MIR2052HG: variants seen among roughly 807,000 people sequenced by gnomAD.
MIR2052HG encodes MIR2052 host gene.
chr8:74,679,425 C>A (rs1220394090), intron 2 of MIR2052HG, among the ~76,000 whole-genome samples: 1 of 151,990 alleles, frequency 6.6e-6, no homozygotes, highest in African/African-American at 2.4e-5. Context: ...GCCATTATTT[C>A]ATTCCTTTTT....
At chr8:74,637,514 A>T (rs1057305661) in intron 2 of MIR2052HG, among the ~76,000 whole-genome samples, 10 of 152,120 alleles carry the variant, frequency 6.6e-5, no homozygotes, top group Non-Finnish European at 1.2e-4. Flanking sequence ...AAACACAGCC[A>T]ATTTTAACAG....
intron 4 of MIR2052HG, among the ~76,000 whole-genome samples, chr8:74,740,377 T>A (rs1368788366): frequency 6.6e-6 from 1 of 152,092 alleles, no homozygotes; most frequent in Non-Finnish European, 1.5e-5. Context: ...GGCAGGAGAA[T>A]TGCTTGAACC....
At chr8:74,671,592 C>T (rs1808993159) in intron 2 of MIR2052HG, among the ~76,000 whole-genome samples, 1 of 152,088 alleles carries the variant, frequency 6.6e-6, no homozygotes, top group Admixed American at 6.6e-5. Context: ...TAACATTCAA[C>T]TAGTCTCAAA....
intron 2 of MIR2052HG, among the ~76,000 whole-genome samples, chr8:74,691,866 TC>T (rs1809242789): frequency 6.6e-6 from 1 of 152,190 alleles, no homozygotes; most frequent in Non-Finnish European, 1.5e-5. Flanking sequence ...AATAGTCTTC[TC>T]TCTACCATTC....
chr8:74,661,815 G>T (rs967505063), intron 2 of MIR2052HG, among the ~76,000 whole-genome samples: 1 of 152,050 alleles, frequency 6.6e-6, no homozygotes, highest in Admixed American at 6.6e-5. Flanking sequence ...CCCCTTGAAA[G>T]AAAAATAGAC....
intron 2 of MIR2052HG, among the ~76,000 whole-genome samples, chr8:74,613,483 G>T (rs1431132094): frequency 1.3e-5 from 2 of 152,102 alleles, no homozygotes; most frequent in Admixed American, 1.3e-4. Flanking sequence ...TGATGGCAGG[G>T]ATTCATTTTT....
chr8:74,663,406 CA>C (rs1479049205), intron 2 of MIR2052HG, among the ~76,000 whole-genome samples: 2 of 152,140 alleles, frequency 1.3e-5, no homozygotes, highest in Admixed American at 6.5e-5. Flanking sequence ...TTACCTATCC[CA>C]AATTTGTAAG....
chr8:74,636,051 C>T (rs1256837689), intron 2 of MIR2052HG, among the ~76,000 whole-genome samples: 4 of 152,180 alleles, frequency 2.6e-5, no homozygotes, highest in African/African-American at 9.7e-5. Context: ...GTCTTGTCCT[C>T]CAAGATGTCC....
chr8:74,721,342 G>A (rs1456359178), intron 4 of MIR2052HG, among the ~76,000 whole-genome samples: 4 of 152,178 alleles, frequency 2.6e-5, no homozygotes, highest in African/African-American at 4.8e-5. Flanking sequence ...ATTGCTGCAT[G>A]ACAAATGACT....
chr8:74,603,975 G>T (rs1808067731), intron 1 of MIR2052HG: 1 of 957,490 alleles, frequency 1.0e-6, no homozygotes, highest in South Asian at 1.3e-5. Flanking sequence ...TGGCAGCTGT[G>T]CTACTGGTCA....
At chr8:74,702,120 C>A (rs1809364052) in intron 2 of MIR2052HG, among the ~76,000 whole-genome samples, 1 of 151,998 alleles carries the variant, frequency 6.6e-6, no homozygotes, top group Non-Finnish European at 1.5e-5. Flanking sequence ...AGGTATAAAA[C>A]TTAGGAACTT....
chr8:74,659,965 G>A (rs1428392950), intron 2 of MIR2052HG, among the ~76,000 whole-genome samples: 1 of 151,952 alleles, frequency 6.6e-6, no homozygotes, highest in African/African-American at 2.4e-5. Flanking sequence ...TGTTCTTTTG[G>A]TCATAAGAAA....
chr8:74,628,114 A>G (rs1808460150), intron 2 of MIR2052HG, among the ~76,000 whole-genome samples: 1 of 152,162 alleles, frequency 6.6e-6, no homozygotes, highest in Admixed American at 6.5e-5. Flanking sequence ...AGAGTAACTC[A>G]TATTTGAATT....
At chr8:74,700,057 G>A (rs1248958905) in intron 2 of MIR2052HG, among the ~76,000 whole-genome samples, 1 of 152,086 alleles carries the variant, frequency 6.6e-6, no homozygotes, top group Non-Finnish European at 1.5e-5. Flanking sequence ...TATGATGAAG[G>A]TAAAATCATT....
chr8:74,715,735 C>T (rs920163714), intron 4 of MIR2052HG, among the ~76,000 whole-genome samples: 1 of 152,032 alleles, frequency 6.6e-6, no homozygotes, highest in African/African-American at 2.4e-5. Flanking sequence ...CAAATAGAGC[C>T]CCATAAAAGC....
chr8:74,694,798 A>G (rs985528222), intron 2 of MIR2052HG, among the ~76,000 whole-genome samples: 2 of 152,116 alleles, frequency 1.3e-5, no homozygotes, highest in Non-Finnish European at 2.9e-5. Flanking sequence ...GGCAAAGAAA[A>G]AAATGAACAA....
chr8:74,606,662 T>C lies in MIR2052HG; in HGVS notation n.129-6191T>C, dbSNP rs1183279229. 2.0e-5 allele frequency among the ~76,000 whole-genome samples: 3 copies of C among 152,084 alleles called. No homozygotes were observed. The East Asian group carries it at 5.8e-4, about 29-fold the overall frequency. On this transcript the variant is annotated intron_variant and non_coding_transcript_variant, in intron 1 of 6. Coordinates refer to ENST00000523442, the Ensembl canonical transcript of MIR2052HG. Reference sequence around the variant, plus strand: ...CACATAGACACGTACAGGGGAATGATAGACACTGGGGCCTACCCGAGTGTA... The same window carrying C: ...CACATAGACACGTACAGGGGAATGACAGACACTGGGGCCTACCCGAGTGTA...
chr8:74,638,256 A>T (rs139908758), intron 2 of MIR2052HG, among the ~76,000 whole-genome samples: 1 of 152,164 alleles, frequency 6.6e-6, no homozygotes, highest in African/African-American at 2.4e-5. Flanking sequence ...AATAATTGTG[A>T]CAAATTCAAT....
chr8:74,751,241 G>A (rs1809944200), intron 4 of MIR2052HG, among the ~76,000 whole-genome samples: 1 of 152,050 alleles, frequency 6.6e-6, no homozygotes, highest in Non-Finnish European at 1.5e-5. Context: ...TCCTTTTCAT[G>A]GTGAATTTAG....
Sources: gnomAD v4.1 joint callset for allele counts (sites outside exome capture counted in the v4.1 genomes callset) on GRCh38, gnomAD v4.1.1 for gene constraint, MANE v1.5 for transcripts, NCBI Gene and HGNC (gene_info 2026-07-23, HGNC 2026-07-21) for gene names.